LRRIQ3: variants seen among roughly 807,000 people sequenced by gnomAD.
LRRIQ3 encodes leucine rich repeats and IQ motif containing 3, also known as leucine-rich repeat and IQ domain-containing protein 3.
A neutral mutation model predicts 59.3 loss-of-function variants in LRRIQ3; 75 were observed. The ratio of observed to expected loss-of-function variants is 1.26; its 90% CI spans 1.05 to 1.53. LRRIQ3 has a LOEUF of 1.53. LRRIQ3 is among the 40% of genes most tolerant of loss of function. LRRIQ3 has a pLI of 0.00. For missense variants in LRRIQ3, 831 were observed against 710.0 expected, an observed-to-expected ratio of 1.17 and a Z score of -1.94; for synonymous variants, 250 against 231.3, an observed-to-expected ratio of 1.08 and a Z score of -0.73.
chr1:74,045,386 A>C (rs928165483), intron 6 of LRRIQ3, among the ~76,000 whole-genome samples: 4 of 152,234 alleles, frequency 2.6e-5, no homozygotes, highest in African/African-American at 9.6e-5. Flanking sequence ...ATAGTTGCAG[A>C]AAAGGCCTTC....
At chr1:74,090,522 T>C (rs1363466079) in intron 5 of LRRIQ3, among the ~76,000 whole-genome samples, 4 of 151,662 alleles carry the variant, frequency 2.6e-5, no homozygotes, top group Non-Finnish European at 5.9e-5. Flanking sequence ...ATTTGGAGAG[T>C]AGAGACATCC....
At chr1:74,043,874 A>G (rs1450356614) in intron 6 of LRRIQ3, among the ~76,000 whole-genome samples, 1 of 152,084 alleles carries the variant, frequency 6.6e-6, no homozygotes, top group Non-Finnish European at 1.5e-5. Flanking sequence ...TTTCCCCAAC[A>G]TATGCATCAT....
intron 1 of LRRIQ3, among the ~76,000 whole-genome samples, chr1:74,189,253 C>T (rs1392629829): frequency 1.3e-5 from 2 of 152,114 alleles, no homozygotes; most frequent in Non-Finnish European, 2.9e-5. Context: ...GCTCCCAAAG[C>T]ATAAAAGCAG....
intron 5 of LRRIQ3, among the ~76,000 whole-genome samples, chr1:74,104,160 A>G (rs1557616590): frequency 6.6e-6 from 1 of 151,998 alleles, no homozygotes; most frequent in Non-Finnish European, 1.5e-5. Flanking sequence ...TAAAGCAACA[A>G]TGAGGTACCA....
chr1:74,146,123 G>A (rs1404803519), intron 4 of LRRIQ3, among the ~76,000 whole-genome samples: 1 of 152,072 alleles, frequency 6.6e-6, no homozygotes, highest in Admixed American at 6.6e-5. Context: ...GTTTGTCTAA[G>A]TGTAGTAGGC....
chr1:74,134,999 T>C (rs1647097847), intron 4 of LRRIQ3, among the ~76,000 whole-genome samples: 1 of 151,950 alleles, frequency 6.6e-6, no homozygotes, highest in African/African-American at 2.4e-5. Context: ...CTAACTACAA[T>C]CTGTCTACAA....
chr1:74,133,823 C>A (rs1457789901), intron 4 of LRRIQ3, among the ~76,000 whole-genome samples: 3 of 151,842 alleles, frequency 2.0e-5, no homozygotes, highest in Non-Finnish European at 4.4e-5. Context: ...AACAAACCTG[C>A]ACATTGTGCA....
At chr1:74,071,816 C>T (rs748746914) in intron 6 of LRRIQ3, among the ~76,000 whole-genome samples, 8 of 152,048 alleles carry the variant, frequency 5.3e-5, no homozygotes, top group Non-Finnish European at 8.8e-5. Flanking sequence ...CTCTCTGGGG[C>T]CAAACTGGGA....
At chr1:74,124,074 G>T (rs777854826) in intron 4 of LRRIQ3, among the ~76,000 whole-genome samples, 1 of 151,802 alleles carries the variant, frequency 6.6e-6, no homozygotes, top group Admixed American at 6.6e-5. Flanking sequence ...GGGTGAGATG[G>T]TATCTCAATG....
intron 6 of LRRIQ3, among the ~76,000 whole-genome samples, chr1:74,054,362 T>A (rs1015963146): frequency 2.0e-5 from 3 of 152,160 alleles, no homozygotes; most frequent in African/African-American, 7.2e-5. Context: ...ACATCAGTGG[T>A]AGCCAGGGAT....
intron 3 of LRRIQ3, among the ~76,000 whole-genome samples, chr1:74,177,243 G>C (rs756743459): frequency 7.2e-5 from 11 of 151,986 alleles, no homozygotes; most frequent in Non-Finnish European, 1.5e-4. Flanking sequence ...CTGGCACTGG[G>C]GAAATGACTG....
chr1:74,086,623 T>C (rs975410117), intron 5 of LRRIQ3, among the ~76,000 whole-genome samples: 5 of 152,122 alleles, frequency 3.3e-5, no homozygotes, highest in African/African-American at 1.2e-4. Context: ...ATGTTTAAGT[T>C]TTAATATGAG....
chr1:74,128,130 C>A (rs1191302731), intron 4 of LRRIQ3, among the ~76,000 whole-genome samples: 1 of 151,950 alleles, frequency 6.6e-6, no homozygotes, highest in Non-Finnish European at 1.5e-5. Context: ...TTTTCTCTTG[C>A]TGCTTTCAGG....
chr1:74,163,065 C>T (rs1648752355), intron 3 of LRRIQ3, among the ~76,000 whole-genome samples: 1 of 151,476 alleles, frequency 6.6e-6, no homozygotes, highest in African/African-American at 2.4e-5. Context: ...CTGATTGGAT[C>T]ACTATACACT....
At chr1:74,079,415 G>A (rs1181108159) in intron 5 of LRRIQ3, among the ~76,000 whole-genome samples, 1 of 151,718 alleles carries the variant, frequency 6.6e-6, no homozygotes, top group Admixed American at 6.6e-5. Flanking sequence ...CCCAAAATGT[G>A]CATGGCTAGC....
chr1:74,150,156 C>A (rs1410500292), intron 4 of LRRIQ3, among the ~76,000 whole-genome samples: 1 of 152,142 alleles, frequency 6.6e-6, no homozygotes, highest in African/African-American at 2.4e-5. Context: ...GGAACTCTGG[C>A]AGCCATTTTG....
intron 3 of LRRIQ3, among the ~76,000 whole-genome samples, chr1:74,158,868 A>G (rs962474398): frequency 8.6e-5 from 13 of 151,966 alleles, no homozygotes; most frequent in African/African-American, 2.9e-4. Flanking sequence ...GTCCCCACCA[A>G]TCAATTGGAA....
chr1:74,178,096 G>A (rs928309207), intron 3 of LRRIQ3, among the ~76,000 whole-genome samples: 5 of 151,726 alleles, frequency 3.3e-5, no homozygotes, highest in Non-Finnish European at 7.4e-5. Flanking sequence ...TACATTGTTT[G>A]AAACTAATGT....
intron 5 of LRRIQ3, among the ~76,000 whole-genome samples, chr1:74,099,974 G>A (rs1646506741): frequency 6.6e-6 from 1 of 152,116 alleles, no homozygotes. Context: ...AAAATTGGAA[G>A]CATTCCCTTT....
Sources: allele counts gnomAD v4.1 joint callset (sites outside exome capture counted in the v4.1 genomes callset), GRCh38; gene constraint gnomAD v4.1.1; transcripts MANE v1.5; gene names NCBI Gene and HGNC (gene_info 2026-07-23, HGNC 2026-07-21).